SLC15A1: variants seen among roughly 807,000 people sequenced by gnomAD.
SLC15A1 encodes the protein solute carrier family 15 member 1.
SLC15A1 carries 83 observed loss-of-function variants against 92.9 expected under a neutral mutation model. The ratio of observed to expected loss-of-function variants is 0.89; its 90% CI spans 0.75 to 1.07. SLC15A1 has a LOEUF of 1.07. Among genes scored for constraint, SLC15A1 ranks in the 50% least tolerant of loss-of-function variants. The probability of loss-of-function intolerance (pLI) is 0.00; values close to 1 mark genes in which losing one functional copy is unlikely to be tolerated. For missense variants in SLC15A1, 857 were observed against 880.1 expected, an observed-to-expected ratio of 0.97 and a Z score of 0.33; for synonymous variants, 322 against 318.2, an observed-to-expected ratio of 1.01 and a Z score of -0.13.
intron 17 of SLC15A1, 29 bp downstream of exon 17, chr13:98,704,260 G>A: frequency 1.3e-6 from 2 of 1,539,858 alleles, no homozygotes. Flanking sequence ...AAATAGCAAA[G>A]AGTCAGCTGT....
intron 1 of SLC15A1, among the ~76,000 whole-genome samples, chr13:98,739,339 C>G (rs551504948): frequency 6.6e-6 from 1 of 152,244 alleles, no homozygotes; most frequent in East Asian, 1.9e-4. Flanking sequence ...GTGAGAGGGA[C>G]AAGAAATTTG....
chr13:98,707,075 G>A (rs2088118388), intron 15 of SLC15A1, among the ~76,000 whole-genome samples: 1 of 152,166 alleles, frequency 6.6e-6, no homozygotes, highest in African/African-American at 2.4e-5. Context: ...TTTGTTCAGA[G>A]TTTTTGTCTT....
intron 8 of SLC15A1, among the ~76,000 whole-genome samples, chr13:98,717,902 T>G (rs1296361896): frequency 6.6e-6 from 1 of 152,174 alleles, no homozygotes; most frequent in Non-Finnish European, 1.5e-5. Flanking sequence ...GCACCGTTCT[T>G]GGCCACCTTT....
At chr13:98,713,392 G>T (rs112172721) in intron 9 of SLC15A1, among the ~76,000 whole-genome samples, 1 of 152,082 alleles carries the variant, frequency 6.6e-6, no homozygotes, top group East Asian at 1.9e-4. Flanking sequence ...ATTTTTATTA[G>T]AAATACTTGA....
chr13:98,752,333 G>A (rs1409458672), intron 1 of SLC15A1, among the ~76,000 whole-genome samples: 6 of 152,028 alleles, frequency 3.9e-5, no homozygotes, highest in Non-Finnish European at 8.8e-5. Flanking sequence ...GGATTACAGT[G>A]CCCCACGGGC....
chr13:98,722,005 A>G (rs1318253003), intron 5 of SLC15A1, 102 bp from the exon 6 acceptor site: 1 of 877,722 alleles, frequency 1.1e-6, no homozygotes, highest in Non-Finnish European at 1.7e-6. Context: ...AGTGACACAC[A>G]TAGAGAAGAA....
Position 98,702,470 on chromosome 13 carries a change from A to G in SLC15A1, c.1466+10T>C. 2 of 1,593,296 alleles carry G rather than the reference A, an allele frequency of 1.3e-6. No homozygotes were observed. Among genetic ancestry groups the G allele is most frequent in the Non-Finnish European group, 1.7e-6 (2 of 1,161,420 alleles). On this transcript the variant is annotated intron_variant, in intron 18 of 22. Transcript: ENST00000376503. ...CTGATAAAACTTAAATTTTAAAGAA[A>G]TATACATACCTGATTCCATTTTCCC...
chr13:98,721,545 G>A lies in SLC15A1; in HGVS notation c.506C>T (p.Ala169Val), dbSNP rs201099957. The change falls in exon 7 of 23, where the codon GCT becomes GTT. Residue 169 changes from alanine (A) to valine (V), a missense_variant. Ala to Val is a moderately conservative substitution (Grantham distance 64). Coordinates refer to ENST00000376503, the MANE Select transcript of SLC15A1 (RefSeq NM_005073.4). ...GGAAAGCAAACTTCCAGCATTAATA[G>A]CCAAGTAAAAGATGGAAAAAAATCT... ...RNRFFSIFYL[A>V]INAGSLLSTI... 4.3e-6 allele frequency: 7 copies of A among 1,609,614 alleles called. No homozygotes were observed. Among genetic ancestry groups the A allele is most frequent in the African/African-American group, 1.3e-5 (1 of 74,666 alleles).
chr13:98,712,366 T>C, intron 10 of SLC15A1, 132 bp downstream of exon 10: 2 of 681,756 alleles, frequency 2.9e-6, no homozygotes, highest in Non-Finnish European at 5.1e-6. Flanking sequence ...TGCATAGTTT[T>C]ATTTAATATG....
chr13:98,693,191 G>A lies in SLC15A1; in HGVS notation c.1467-4614C>T, dbSNP rs763440192. Among the ~76,000 whole-genome samples, 13 of 141,834 alleles carry A rather than the reference G, an allele frequency of 9.2e-5. No homozygotes were observed. The East Asian group carries it at 2.3e-3, about 25-fold the overall frequency. 93.0% of individuals were successfully genotyped at this position (141,834 alleles called of 152,430 possible). A position where few individuals can be genotyped will look rare whatever the true frequency, so the allele number is the denominator to read the frequency against. Reference sequence around the variant, plus strand: ...CAGCTCACTGCAACCTCCGCCTCCCGGGTTCAAGCGATTCTCCTGCCTCAG... The same window carrying A: ...CAGCTCACTGCAACCTCCGCCTCCCAGGTTCAAGCGATTCTCCTGCCTCAG... On this transcript the variant is annotated intron_variant, in intron 18 of 22. Transcript: ENST00000376503.
At chr13:98,726,494 T>TG in intron 2 of SLC15A1, 45 bp from the exon 3 acceptor site, 1 of 1,558,462 alleles carries the variant, frequency 6.4e-7, no homozygotes, top group Non-Finnish European at 8.8e-7. Context: ...CACCCCCCAC[T>TG]GGTCCATAGC....
In SLC15A1 at chr13:98,693,509, G is replaced by A. The variant is rs535522859; in HGVS notation, c.1467-4932C>T. ...GCATATATTCATATGCTTATTGACT[G>A]GATATCTTCTTTGAAGAAATATCTA... On this transcript the variant is annotated intron_variant, in intron 18 of 22. Coordinates refer to ENST00000376503, the MANE Select transcript of SLC15A1 (RefSeq NM_005073.4). Among the ~76,000 whole-genome samples, 7 of 152,170 alleles carry A rather than the reference G, an allele frequency of 4.6e-5. No homozygotes were observed. The South Asian group carries it at 1.5e-3, about 32-fold the overall frequency.
intron 1 of SLC15A1, among the ~76,000 whole-genome samples, chr13:98,748,024 C>A (rs1473826257): frequency 6.6e-6 from 1 of 152,192 alleles, no homozygotes; most frequent in Non-Finnish European, 1.5e-5. Flanking sequence ...GCAAACCCTC[C>A]TGCTCAGACA....
intron 1 of SLC15A1, among the ~76,000 whole-genome samples, chr13:98,751,092 T>C (rs1362442233): frequency 2.0e-5 from 3 of 151,258 alleles, no homozygotes; most frequent in Admixed American, 6.6e-5. Flanking sequence ...CTACTTTTTT[T>C]CCCCATAACA....
At position 98,719,222 on chromosome 13, in the gene SLC15A1, C is replaced by T. The variant is rs553204968; in HGVS notation, c.640+15G>A. ...TGGTCCTAGGCTTCTATTAATTCAA[C>T]CGATTTCCACTTACTCAGGGCTACA... On this transcript the variant is annotated intron_variant, in intron 8 of 22. Transcript: ENST00000376503. 6.2e-7 allele frequency: 1 copy of T among 1,603,608 alleles called. No homozygotes were observed. The highest frequency in any genetic ancestry group is 1.1e-5 in the South Asian group (1 of 90,600).
At chr13:98,706,371 G>A (rs577038685) in intron 15 of SLC15A1, 118 bp from the exon 16 acceptor site, 95 of 1,121,078 alleles carry the variant, frequency 8.5e-5, no homozygotes, top group Admixed American at 2.7e-4. Context: ...GCTGAAACAC[G>A]CCAGGTGTCT....
rs1231792542 is a variant in SLC15A1 at position 98,752,658 on chromosome 13, C to G, written c.-60G>C. On this transcript the variant is annotated 5_prime_UTR_variant, in exon 1 of 23. Coordinates refer to ENST00000376503, the MANE Select transcript of SLC15A1 (RefSeq NM_005073.4). ...CGGGACGTGCTCCTGGCAGGTGCTA[C>G]TCCTCCGACCTGACGTCCAGGCCCG... is the stretch of plus-strand genomic sequence containing the variant. The G allele has an allele frequency of 6.1e-5, 75 of 1,237,276 alleles. No homozygotes were observed. Among genetic ancestry groups the G allele is most frequent in the Non-Finnish European group, 7.5e-5 (74 of 988,536 alleles). 76.6% of individuals were successfully genotyped at this position (1,237,276 alleles called of 1,614,324 possible).
Position 98,706,191 on chromosome 13 carries a change from G to T in SLC15A1, c.1212C>A (p.Asn404Lys), listed in dbSNP as rs1260944361. ...EVQIKVLNIG[N>K]NTMNISLPGE... is the part of the protein sequence containing the mutation. ...CAGGAAGAGATATATTCATGGTATT[G>T]TTTCCTATATTCAAAACTTTAATTT... The change falls in exon 16 of 23, where the codon AAC becomes AAA. Residue 404 changes from asparagine to lysine, a missense_variant. By Grantham distance (94) the Asn-to-Lys change is moderately conservative (BLOSUM62 0). Coordinates refer to ENST00000376503, the MANE Select transcript of SLC15A1 (RefSeq NM_005073.4). The T allele has an allele frequency of 6.2e-7, 1 of 1,613,338 alleles. No homozygotes were observed. Among genetic ancestry groups the T allele is most frequent in the African/African-American group, 1.3e-5 (1 of 74,916 alleles).
At chr13:98,732,465 G>T (rs933860596) in intron 1 of SLC15A1, among the ~76,000 whole-genome samples, 1 of 152,020 alleles carries the variant, frequency 6.6e-6, no homozygotes, top group Non-Finnish European at 1.5e-5. Context: ...TTGGGGGTTG[G>T]GGGGGACAGG....
Sources: allele counts gnomAD v4.1 joint callset (sites outside exome capture counted in the v4.1 genomes callset), GRCh38; gene constraint gnomAD v4.1.1; transcripts MANE v1.5; gene names NCBI Gene and HGNC (gene_info 2026-07-23, HGNC 2026-07-21).